Variants in FSTL1 observed in about 807,000 individuals in gnomAD.
FSTL1 encodes the protein follistatin like 1, also known as follistatin-related protein 1.
In FSTL1, 24 loss-of-function variants were observed where a neutral mutation model predicts 45.9. The ratio of observed to expected loss-of-function variants is 0.52; its 90% confidence interval spans 0.38 to 0.74. The LOEUF is 0.74. Among genes scored for constraint, FSTL1 ranks in the 30% least tolerant of loss-of-function variants. The pLI is 0.00. For missense variants in FSTL1, 340 were observed against 381.8 expected (o/e 0.89, Z 0.91); for synonymous variants, 120 against 137.6 (o/e 0.87, Z 0.89).
intron 3 of FSTL1, among the ~76,000 whole-genome samples, chr3:120,415,115 T>C: frequency 7.3e-6 from 1 of 136,378 alleles, no homozygotes; most frequent in Non-Finnish European, 1.5e-5. Flanking sequence ...TATTCATGTT[T>C]GTTTTTCAAA....
intron 2 of FSTL1, among the ~76,000 whole-genome samples, 175 bp from the exon 3 acceptor site, chr3:120,416,202 A>G (rs1937184957): frequency 6.6e-6 from 1 of 152,178 alleles, no homozygotes; most frequent in African/African-American, 2.4e-5. Flanking sequence ...TCCAACAGCT[A>G]GTGCCCTACT....
chr3:120,446,657 G>C (rs1451204458), intron 2 of FSTL1, among the ~76,000 whole-genome samples: 2 of 152,240 alleles, frequency 1.3e-5, no homozygotes, highest in African/African-American at 4.8e-5. Flanking sequence ...TGCAGTCAGA[G>C]ATATGGGTTA....
At chr3:120,429,812 A>G (rs1937445464) in intron 2 of FSTL1, among the ~76,000 whole-genome samples, 1 of 152,156 alleles carries the variant, frequency 6.6e-6, no homozygotes, top group Non-Finnish European at 1.5e-5. Context: ...AGTCTTGATC[A>G]TTACAAATCC....
chr3:120,393,489 G>C lies in FSTL1; in HGVS notation c.*3463C>G, dbSNP rs1375524472. On this transcript the variant is annotated 3_prime_UTR_variant, in exon 11 of 11. Coordinates refer to ENST00000295633, the MANE Select transcript of FSTL1 (RefSeq NM_007085.5). ...TACCCCCATGGAATGTGTGTATCAA[G>C]GAAGTGCCATTAAGGTTATTTAGCC... 6.6e-6 allele frequency: 1 copy of C among 152,136 alleles called. No individual in the cohort carries two copies. The highest frequency in any genetic ancestry group is 1.5e-5 in the Non-Finnish European group (1 of 68,038). 9.4% of individuals were successfully genotyped at this position (152,136 alleles called of 1,614,324 possible).
chr3:120,436,921 C>T (rs974914123), intron 2 of FSTL1, among the ~76,000 whole-genome samples: 6 of 152,124 alleles, frequency 3.9e-5, no homozygotes, highest in Admixed American at 2.6e-4. Context: ...TTTGTGAGCT[C>T]GGCTGGGCCA....
intron 5 of FSTL1, chr3:120,410,557 T>C: frequency 2.9e-6 from 1 of 345,202 alleles, no homozygotes. Flanking sequence ...TGATCACTAA[T>C]AGAAAACCAC....
chr3:120,430,650 A>G (rs902555457), intron 2 of FSTL1, among the ~76,000 whole-genome samples: 6 of 152,216 alleles, frequency 3.9e-5, no homozygotes, highest in Non-Finnish European at 8.8e-5. Flanking sequence ...ACACAAATTA[A>G]TCTGCATTTC....
intron 2 of FSTL1, among the ~76,000 whole-genome samples, chr3:120,426,888 AG>A (rs1270179102): frequency 1.3e-5 from 2 of 152,118 alleles, no homozygotes; most frequent in Admixed American, 6.5e-5. Flanking sequence ...TCCACTTCTT[AG>A]GGACCCTGGA....
At chr3:120,422,698 A>T (rs1374271782) in intron 2 of FSTL1, among the ~76,000 whole-genome samples, 1 of 145,668 alleles carries the variant, frequency 6.9e-6, no homozygotes. Flanking sequence ...TCAATCAATA[A>T]TTTTTTTTTT....
At chr3:120,397,421 T>A (rs1936724672) in intron 10 of FSTL1, among the ~76,000 whole-genome samples, 1 of 152,218 alleles carries the variant, frequency 6.6e-6, no homozygotes, top group South Asian at 2.1e-4. Context: ...GGGCATATTA[T>A]GAAATCTTCT....
At chr3:120,432,351 G>A (rs1293096805) in intron 2 of FSTL1, among the ~76,000 whole-genome samples, 3 of 152,070 alleles carry the variant, frequency 2.0e-5, no homozygotes, top group East Asian at 1.9e-4. Context: ...CACAGCTGGG[G>A]GGAAGGAGCT....
At position 120,395,946 on chromosome 3, in the gene FSTL1, T is replaced by C; in HGVS notation, c.*1006A>G. 3.2e-6 allele frequency: 1 copy of C among 308,770 alleles called. No individual in the cohort carries two copies. 19.1% of individuals were successfully genotyped at this position (308,770 alleles called of 1,614,324 possible). ...ACTGATTTGCCTCAACTTCTCAGAA[T>C]AAATAAAAACAAATTAATGTTTGGA... On this transcript the variant is annotated 3_prime_UTR_variant, in exon 11 of 11. Transcript: ENST00000295633.
intron 2 of FSTL1, among the ~76,000 whole-genome samples, chr3:120,434,697 CT>C (rs560661481): frequency 6.6e-6 from 1 of 152,162 alleles, no homozygotes; most frequent in Non-Finnish European, 1.5e-5. Context: ...TCACTACACA[CT>C]TTGGGTCTAG....
At position 120,393,820 on chromosome 3, in the gene FSTL1, A is replaced by G. The variant is rs1055578540; in HGVS notation, c.*3132T>C. ...CTCATGAATGGGTAAGTGCCCTTAT[A>G]AAAGAGGCCTAAGGGAGTTTGTTCA... On this transcript the variant is annotated 3_prime_UTR_variant, in exon 11 of 11. Coordinates refer to ENST00000295633, the MANE Select transcript of FSTL1 (RefSeq NM_007085.5). 1.3e-5 allele frequency: 2 copies of G among 152,170 alleles called. No individual in the cohort carries two copies. Among genetic ancestry groups the G allele is most frequent in the African/African-American group, 4.8e-5 (2 of 41,444 alleles). The allele number at this position is 152,170 out of a possible 1,614,324, so 9.4% of individuals were successfully genotyped here. A position where few individuals can be genotyped will look rare whatever the true frequency, so the allele number is the denominator to read the frequency against.
intron 2 of FSTL1, among the ~76,000 whole-genome samples, chr3:120,428,869 A>G (rs1337540657): frequency 6.6e-6 from 1 of 152,256 alleles, no homozygotes; most frequent in Non-Finnish European, 1.5e-5. Flanking sequence ...TAGCCTAAGG[A>G]TGCAGACAGG....
At chr3:120,411,736 A>G (rs774496585) in intron 4 of FSTL1, 118 bp downstream of exon 4, 2 of 937,892 alleles carry the variant, frequency 2.1e-6, no homozygotes, top group Non-Finnish European at 3.3e-6. Context: ...GGCGCTTTCC[A>G]CAGCTTTGAG....
At chr3:120,435,091 C>A (rs550821906) in intron 2 of FSTL1, among the ~76,000 whole-genome samples, 67 of 152,150 alleles carry the variant, frequency 4.4e-4, no homozygotes, top group African/African-American at 1.5e-3. Context: ...TGGTTGCAGG[C>A]ACCTGTAATC....
intron 7 of FSTL1, among the ~76,000 whole-genome samples, chr3:120,404,546 G>A (rs1267774775): frequency 6.6e-6 from 1 of 152,236 alleles, no homozygotes; most frequent in South Asian, 2.1e-4. Context: ...AAATTAATCA[G>A]TAAAACATCA....
chr3:120,414,393 C>A (rs1344371957), intron 3 of FSTL1, among the ~76,000 whole-genome samples: 12 of 148,336 alleles, frequency 8.1e-5, no homozygotes, highest in East Asian at 2.0e-4. Context: ...TCTGCCCGGC[C>A]GCCCATCGTC....
Sources: allele counts gnomAD v4.1 joint callset (sites outside exome capture counted in the v4.1 genomes callset), GRCh38; gene constraint gnomAD v4.1.1; transcripts MANE v1.5; gene names NCBI Gene and HGNC (gene_info 2026-07-23, HGNC 2026-07-21).